Variants in SMC4 observed in about 807,000 individuals in gnomAD.
SMC4 encodes structural maintenance of chromosomes 4.
A neutral mutation model predicts 145.6 loss-of-function variants in SMC4; 87 were observed. That is an observed-to-expected ratio of 0.60 (90% confidence interval 0.50 to 0.71). The LOEUF (loss-of-function observed/expected upper bound fraction) is 0.71, where lower values mean the gene tolerates loss of function less well. Ranked by LOEUF, SMC4 falls within the 30% of genes least tolerant of loss-of-function variation. SMC4 has a pLI of 0.00. For synonymous variants in SMC4, 558 were observed against 500.7 expected (o/e 1.11, Z -1.53); for missense variants, 1,447 against 1,537.1 (o/e 0.94, Z 0.98).
intron 4 of SMC4, 48 bp downstream of exon 4, chr3:160,402,915 C>T: frequency 7.6e-7 from 1 of 1,321,248 alleles, no homozygotes; most frequent in Non-Finnish European, 1.0e-6. Flanking sequence ...GGAAAATGGA[C>T]TTAAATGCAT....
intron 5 of SMC4, among the ~76,000 whole-genome samples, chr3:160,406,775 ATTAC>A (rs947693046): frequency 2.0e-5 from 3 of 152,206 alleles, no homozygotes; most frequent in Non-Finnish European, 4.4e-5. Context: ...AGGCATTTTT[ATTAC>A]TTAAATCCAT....
In SMC4 at chr3:160,424,967, A is replaced by G. The variant is rs1717612805; in HGVS notation, c.2426A>G (p.His809Arg). The part of the protein sequence containing the change: ...QLEERVVKLR[H>R]SEREMRNTLE... ...GAAGAAAGAGTAGTTAAGTTACGGC[A>G]TAGTGAACGAGAAATGAGGAACACA... The change falls in exon 16 of 24, where the codon CAT (histidine) becomes CGT (arginine). Residue 809 changes from histidine (H) to arginine (R), a missense_variant. Transcript: ENST00000357388. The G allele has an allele frequency of 3.1e-6, 5 of 1,613,784 alleles. No homozygotes were observed. The highest frequency in any genetic ancestry group is 4.2e-6 in the Non-Finnish European group (5 of 1,179,970).
intron 11 of SMC4, among the ~76,000 whole-genome samples, chr3:160,418,576 T>C (rs1716828919): frequency 6.6e-6 from 1 of 152,228 alleles, no homozygotes; most frequent in South Asian, 2.1e-4. Context: ...TGCATGCTAT[T>C]TGGTCATCAG....
In SMC4 at chr3:160,423,850, T is replaced by C; in HGVS notation, c.2325+10T>C. 1 of 1,593,282 alleles carries C rather than the reference T, an allele frequency of 6.3e-7. No homozygotes were observed. Among genetic ancestry groups the C allele is most frequent in the Non-Finnish European group, 8.5e-7 (1 of 1,170,710 alleles). On this transcript the variant is annotated intron_variant, in intron 15 of 23. Transcript: ENST00000357388. ...AATCTCTGAAGAAGAGGTCAGCATA[T>C]CTAAAATTGTATCCAGACTTTTTTT...
rs145011015 is a variant in SMC4, at chr3:160,416,323, C to T, written c.1345C>T (p.Leu449Phe). Residue 449 changes from leucine (L) to phenylalanine (F), a missense_variant, in exon 10 of 24, where the codon CTC (leucine) becomes TTC (phenylalanine). Transcript: ENST00000357388. ...TGAAACAACAACCAGAAACAATGCC[C>T]TCGAGAAGGAAAAAGAGAAAGAAGA... ...INETTTRNNALEKEKEKEEKK... is the reference protein window; with the variant it reads ...INETTTRNNAFEKEKEKEEKK... The T allele has an allele frequency of 3.0e-5, 48 of 1,604,994 alleles. No homozygotes were observed. Among genetic ancestry groups the T allele is most frequent in the Non-Finnish European group, 3.9e-5 (46 of 1,175,452 alleles).
chr3:160,427,492 T>G lies in SMC4; in HGVS notation c.2606-1261T>G, dbSNP rs1046625772. On this transcript the variant is annotated intron_variant, in intron 17 of 23. Coordinates refer to ENST00000357388, the MANE Select transcript of SMC4 (RefSeq NM_001002800.3). The stretch of plus-strand genomic sequence containing the variant: ...GCTTTGATGGTACCTGATGGTCAAT[T>G]GAGAAGCCAAAATGTATATCTGTGC... Among the ~76,000 whole-genome samples, 19 of 152,288 alleles carry G rather than the reference T, an allele frequency of 1.2e-4. 1 individual carries two copies. In the South Asian group the frequency reaches 3.9e-3, roughly 32 times the overall value.
chr3:160,420,970 C>G, intron 13 of SMC4, 69 bp downstream of exon 13: 1 of 1,347,092 alleles, frequency 7.4e-7, no homozygotes, highest in Non-Finnish European at 1.0e-6. Context: ...CGCTCTGTCA[C>G]CCAGGCTGGA....
rs1437226779 is a variant in SMC4 at position 160,433,104 on chromosome 3, A to C, written c.3609A>C (p.Leu1203Phe). The change falls in exon 23 of 24, where the codon TTA (leucine) becomes TTC (phenylalanine). Residue 1203 changes from leucine (L) to phenylalanine (F), a missense_variant. Coordinates refer to ENST00000357388, the MANE Select transcript of SMC4 (RefSeq NM_001002800.3). ...GGEKTLSSLA[L>F]VFALHHYKPT... The stretch of plus-strand genomic sequence containing the variant: ...AGAAAACACTTAGTTCATTGGCTTT[A>C]GTATTTGCTCTTCACCACTACAAGC... 6.2e-7 allele frequency: 1 copy of C among 1,613,298 alleles called. No homozygotes were observed. Among genetic ancestry groups the C allele is most frequent in the Non-Finnish European group, 8.5e-7 (1 of 1,179,294 alleles).
chr3:160,419,836 G>A (rs1248925778), intron 12 of SMC4, among the ~76,000 whole-genome samples: 1 of 152,034 alleles, frequency 6.6e-6, no homozygotes, highest in Non-Finnish European at 1.5e-5. Context: ...CAGGCACAAT[G>A]GTGTGTGCCT....
At chr3:160,406,587 T>C (rs541206456) in intron 5 of SMC4, among the ~76,000 whole-genome samples, 7 of 152,140 alleles carry the variant, frequency 4.6e-5, no homozygotes, top group Non-Finnish European at 1.0e-4. Context: ...ACCTAAATCA[T>C]TACTTGGAAT....
At chr3:160,409,913 T>A (rs1446779514) in intron 5 of SMC4, among the ~76,000 whole-genome samples, 7 of 151,540 alleles carry the variant, frequency 4.6e-5, no homozygotes, top group African/African-American at 9.7e-5. Flanking sequence ...ACAAAAAAAA[T>A]TTTTTTTTAA....
intron 5 of SMC4, among the ~76,000 whole-genome samples, chr3:160,406,772 TTTA>T (rs1252735518): frequency 6.6e-6 from 1 of 152,218 alleles, no homozygotes; most frequent in African/African-American, 2.4e-5. Context: ...AGTAGGCATT[TTTA>T]TTACTTAAAT....
At position 160,401,263 on chromosome 3, in the gene SMC4, C is replaced by G. The variant is rs78478723; in HGVS notation, c.139+298C>G. Among the ~76,000 whole-genome samples, 700 of 151,990 alleles carry G rather than the reference C, an allele frequency of 4.6e-3. 4 individuals carry two copies. Among genetic ancestry groups the G allele is most frequent in the African/African-American group, 0.016 (651 of 41,434 alleles). On this transcript the variant is annotated intron_variant, in intron 2 of 23. Coordinates refer to ENST00000357388, the MANE Select transcript of SMC4 (RefSeq NM_001002800.3). ...AAAAATTCAATATCTTTATTGTATT[C>G]CCGCTAAAATCGAGACGGTCAATCA... is the stretch of plus-strand genomic sequence containing the variant.
chr3:160,416,664 A>T (rs1560000680), intron 10 of SMC4: 4 of 231,460 alleles, frequency 1.7e-5, no homozygotes, highest in Non-Finnish European at 3.4e-5. Context: ...CAGTACCTTG[A>T]TTATTATATA....
Position 160,401,907 on chromosome 3 carries a change from T to A in SMC4, c.140-8T>A, listed in dbSNP as rs952801563. 3.8e-6 allele frequency: 6 copies of A among 1,564,104 alleles called. No individual in the cohort carries two copies. In the African/African-American group the frequency reaches 8.4e-5, roughly 22 times the overall value. Reference sequence around the variant, plus strand: ...TGCCTTCGTTTTCCTTTCCTTTCACTGACTTAGAGACTGCAAGTGAGGAAC... The same window carrying A: ...TGCCTTCGTTTTCCTTTCCTTTCACAGACTTAGAGACTGCAAGTGAGGAAC... On this transcript the variant is annotated splice_polypyrimidine_tract_variant and splice_region_variant and intron_variant, in intron 2 of 23. Coordinates refer to ENST00000357388, the MANE Select transcript of SMC4 (RefSeq NM_001002800.3).
chr3:160,404,941 TTC>T, intron 5 of SMC4: 1 of 312,356 alleles, frequency 3.2e-6, no homozygotes, highest in Non-Finnish European at 6.4e-6. Flanking sequence ...TTATTATCTC[TTC>T]TGATATATAA....
At chr3:160,423,910 C>A (rs530568068) in intron 15 of SMC4, 70 bp downstream of exon 15, 2 of 1,269,376 alleles carry the variant, frequency 1.6e-6, no homozygotes, top group Non-Finnish European at 2.1e-6. Flanking sequence ...TATATACTTA[C>A]TACAAAATTT....
chr3:160,420,789 G>C lies in SMC4; in HGVS notation c.1907G>C (p.Cys636Ser). 6.2e-7 allele frequency: 1 copy of C among 1,613,880 alleles called. No individual in the cohort carries two copies. Reference protein sequence around the residue: ...DEKYDVAISSCCHALDYIVVD... With the variant: ...DEKYDVAISSSCHALDYIVVD... ...AAATACGACGTGGCTATATCATCCT[G>C]TTGTCATGCACTGGACTACATTGTT... The change falls in exon 13 of 24, where the codon TGT becomes TCT. Residue 636 changes from cysteine (C) to serine (S), a missense_variant. Coordinates refer to ENST00000357388, the MANE Select transcript of SMC4 (RefSeq NM_001002800.3).
At chr3:160,421,318 T>C (rs889011624) in intron 13 of SMC4, among the ~76,000 whole-genome samples, 1 of 152,224 alleles carries the variant, frequency 6.6e-6, no homozygotes, top group African/African-American at 2.4e-5. Context: ...CTGATGGGTT[T>C]TGACGATTAT....
Sources: allele counts gnomAD v4.1 joint callset (sites outside exome capture counted in the v4.1 genomes callset), GRCh38; gene constraint gnomAD v4.1.1; transcripts MANE v1.5; gene names NCBI Gene and HGNC (gene_info 2026-07-23, HGNC 2026-07-21).